The following CACNA2D1 variants were observed in gnomAD, a reference collection of about 807,000 sequenced individuals.
The protein encoded by CACNA2D1 is voltage-dependent calcium channel subunit alpha-2/delta-1.
A neutral mutation model predicts 171.5 loss-of-function variants in CACNA2D1; 53 were observed. The ratio of observed to expected loss-of-function variants is 0.31; its 90% CI spans 0.25 to 0.39. The LOEUF is 0.39. Ranked by LOEUF, CACNA2D1 falls within the 10% of genes least tolerant of loss-of-function variation. The pLI, the probability that CACNA2D1 is intolerant of heterozygous loss-of-function variation, is 1.00. For missense variants in CACNA2D1, 903 were observed against 1,299.8 expected, an observed-to-expected ratio of 0.69 and a Z score of 4.69; for synonymous variants, 442 against 443.1, an observed-to-expected ratio of 1.00 and a Z score of 0.03.
intron 5 of CACNA2D1, 139 bp from the exon 6 acceptor site, chr7:82,117,312 C>A: frequency 1.3e-6 from 1 of 792,928 alleles, no homozygotes; most frequent in Non-Finnish European, 2.1e-6. Flanking sequence ...ACCTTGATAG[C>A]ATTGGATACA....
intron 12 of CACNA2D1, among the ~76,000 whole-genome samples, chr7:82,027,036 G>A (rs1162172594): frequency 2.0e-5 from 3 of 151,620 alleles, no homozygotes; most frequent in Non-Finnish European, 4.4e-5. Context: ...GAAGAGAATA[G>A]TGGTTATCAG....
intron 10 of CACNA2D1, among the ~76,000 whole-genome samples, chr7:82,039,869 G>T (rs1216784090): frequency 6.6e-6 from 1 of 152,172 alleles, no homozygotes; most frequent in African/African-American, 2.4e-5. Flanking sequence ...GAGGACAAAA[G>T]ACATAAAATG....
chr7:82,355,013 A>G (rs2299175), intron 1 of CACNA2D1, among the ~76,000 whole-genome samples: 23,445 of 152,114 alleles, frequency 0.15, 3,537 homozygotes, highest in African/African-American at 0.39. Flanking sequence ...TATTTATAAG[A>G]AACTGTGAAA....
chr7:82,413,759 T>C (rs556650599), intron 1 of CACNA2D1, among the ~76,000 whole-genome samples: 1 of 152,290 alleles, frequency 6.6e-6, no homozygotes, highest in African/African-American at 2.4e-5. Context: ...TTCTATTGGC[T>C]TTGTTTCTTC....
intron 1 of CACNA2D1, among the ~76,000 whole-genome samples, chr7:82,436,573 A>G (rs2129459463): frequency 6.6e-6 from 1 of 152,348 alleles, no homozygotes; most frequent in Non-Finnish European, 1.5e-5. Flanking sequence ...AGGAAGCAGC[A>G]TTTCCAATAT....
intron 6 of CACNA2D1, among the ~76,000 whole-genome samples, chr7:82,111,706 C>A (rs1413428241): frequency 6.6e-6 from 1 of 151,718 alleles, no homozygotes; most frequent in East Asian, 1.9e-4. Context: ...ACTTTGGTCT[C>A]CCAAAGTGCT....
At chr7:81,955,911 G>A (rs868597692) in intron 38 of CACNA2D1, among the ~76,000 whole-genome samples, 6 of 19,746 alleles carry the variant, frequency 3.0e-4, no homozygotes, top group Non-Finnish European at 5.5e-4. Context: ...TTGGTGGGGG[G>A]GGGGGGGGGT....
intron 3 of CACNA2D1, among the ~76,000 whole-genome samples, chr7:82,287,254 T>TTTTC (rs1554497062): frequency 1.2e-3 from 149 of 126,356 alleles, no homozygotes; most frequent in African/African-American, 4.9e-3. Flanking sequence ...TGGCTTCTTC[T>TTTTC]TTTCTTTCTT....
intron 12 of CACNA2D1, among the ~76,000 whole-genome samples, chr7:82,023,137 G>A (rs1295476036): frequency 6.6e-6 from 1 of 151,684 alleles, no homozygotes; most frequent in Non-Finnish European, 1.5e-5. Context: ...CATTTGTTTG[G>A]ACTACGGGAT....
At chr7:82,209,396 C>T (rs556341244) in intron 3 of CACNA2D1, among the ~76,000 whole-genome samples, 1 of 152,128 alleles carries the variant, frequency 6.6e-6, no homozygotes, top group African/African-American at 2.4e-5. Flanking sequence ...CCCAAGTGTG[C>T]AATTCATCAC....
Position 82,097,731 on chromosome 7 carries a change from G to A in CACNA2D1, c.527-12831C>T, listed in dbSNP as rs190599263. Among the ~76,000 whole-genome samples the A allele has an allele frequency of 5.9e-5, 9 of 152,238 alleles. No individual in the cohort carries two copies. The South Asian group carries it at 1.9e-3, about 32-fold the overall frequency. On this transcript the variant is annotated intron_variant, in intron 6 of 38. Transcript: ENST00000356860. ...GTGTATAAGGAAGAATCAGATTTGG[G>A]AATCATGTTTCAGTGACAATTCAAA...
chr7:82,120,712 T>G (rs936501900), intron 5 of CACNA2D1, among the ~76,000 whole-genome samples: 1 of 151,924 alleles, frequency 6.6e-6, no homozygotes, highest in Non-Finnish European at 1.5e-5. Context: ...CTGTCTGTAC[T>G]AATAATACAA....
chr7:82,207,937 C>G (rs1465136932), intron 3 of CACNA2D1, among the ~76,000 whole-genome samples: 3 of 152,128 alleles, frequency 2.0e-5, no homozygotes, highest in Admixed American at 1.3e-4. Context: ...TTCTTCATTA[C>G]TGAAGTTGAA....
At chr7:82,305,928 T>C (rs1265135828) in intron 3 of CACNA2D1, among the ~76,000 whole-genome samples, 3 of 152,204 alleles carry the variant, frequency 2.0e-5, no homozygotes, top group African/African-American at 7.2e-5. Context: ...ACTAGTCAGA[T>C]ACCCAGGTGT....
chr7:82,427,617 T>C (rs1025731327), intron 1 of CACNA2D1, among the ~76,000 whole-genome samples: 1 of 152,158 alleles, frequency 6.6e-6, no homozygotes, highest in African/African-American at 2.4e-5. Context: ...TTTTAATCCT[T>C]ACAAGAACCC....
intron 38 of CACNA2D1, among the ~76,000 whole-genome samples, chr7:81,957,116 G>A (rs1231172254): frequency 6.6e-6 from 1 of 152,026 alleles, no homozygotes; most frequent in Non-Finnish European, 1.5e-5. Context: ...TTAAATTTGT[G>A]TTAGCATCTT....
Position 81,994,944 on chromosome 7 carries a change from G to C in CACNA2D1, c.1663-5C>G, listed in dbSNP as rs1584331370. On this transcript the variant is annotated splice_polypyrimidine_tract_variant and splice_region_variant and intron_variant, in intron 19 of 38. Coordinates refer to ENST00000356860, the MANE Select transcript of CACNA2D1 (RefSeq NM_000722.4). ...ATCAATCATCTTATTTCGAATCTAA[G>C]AGTAAATGAAACAACTACTTTATTC... 4.8e-6 allele frequency: 7 copies of C among 1,455,558 alleles called. No homozygotes were observed. The highest frequency in any genetic ancestry group is 6.8e-6 in the Non-Finnish European group (7 of 1,035,894). 90.2% of individuals were successfully genotyped at this position (1,455,558 alleles called of 1,614,324 possible).
intron 6 of CACNA2D1, among the ~76,000 whole-genome samples, chr7:82,088,587 T>A (rs1584702883): frequency 1.3e-5 from 2 of 152,202 alleles, no homozygotes; most frequent in South Asian, 4.1e-4. Context: ...TGTGGAAATA[T>A]CAATGTAAAT....
intron 3 of CACNA2D1, among the ~76,000 whole-genome samples, chr7:82,216,468 T>A (rs1801108573): frequency 1.3e-5 from 2 of 152,162 alleles, no homozygotes; most frequent in African/African-American, 4.8e-5. Context: ...ACAAAGCAAA[T>A]CTTTCTGGAC....
Sources: gnomAD v4.1 joint callset for allele counts (sites outside exome capture counted in the v4.1 genomes callset) on GRCh38, gnomAD v4.1.1 for gene constraint, MANE v1.5 for transcripts, NCBI Gene and HGNC (gene_info 2026-07-23, HGNC 2026-07-21) for gene names.